The following HLA-DQA1 variants were observed in gnomAD, a reference collection of about 807,000 sequenced individuals.
HLA-DQA1 encodes HLA class II histocompatibility antigen, DQ alpha 1 chain.
In HLA-DQA1, 10 loss-of-function variants were observed where a neutral mutation model predicts 20.7. That is an observed-to-expected ratio of 0.48 (90% CI 0.30 to 0.82). HLA-DQA1 has a LOEUF of 0.82. Among genes scored for constraint, HLA-DQA1 ranks in the 40% least tolerant of loss-of-function variants. The probability of loss-of-function intolerance (pLI) is 0.07; values close to 1 mark genes in which losing one functional copy is unlikely to be tolerated. For synonymous variants in HLA-DQA1, 39 were observed against 109.2 expected (o/e 0.36, Z 4.01); for missense variants, 127 against 293.0 (o/e 0.43, Z 4.14).
chr6:32,653,705 C>T, the HLA-DQA1 span, among the ~76,000 whole-genome samples: 2 of 115,708 alleles, frequency 1.7e-5, 1 homozygote, highest in African/African-American at 6.2e-5. Flanking sequence ...CCATGTTCAT[C>T]GCAGCACTAC....
chr6:32,641,155 G>T (rs9272680), intron 1 of HLA-DQA1, among the ~76,000 whole-genome samples, 155 bp from the exon 2 acceptor site: 1,166 of 106,256 alleles, frequency 0.011, 60 homozygotes, highest in East Asian at 0.079. Flanking sequence ...CTACCAACAT[G>T]AAGAGGGGAG....
chr6:32,639,088 G>T lies in HLA-DQA1; in HGVS notation c.82+1548G>T, dbSNP rs9272543. The T allele has an allele frequency of 3.2e-3, 766 of 237,712 alleles. 21 individuals are homozygous for T. Among genetic ancestry groups the T allele is most frequent in the Middle Eastern group, 8.8e-3 (7 of 794 alleles). The allele number at this position is 237,712 out of a possible 1,614,324, so 14.7% of individuals were successfully genotyped here. A position where few individuals can be genotyped will look rare whatever the true frequency, so the allele number is the denominator to read the frequency against. On this transcript the variant is annotated intron_variant, in intron 1 of 4. Transcript: ENST00000343139. ...TTGTTCGGCAGTGGAAGTTTCACCT[G>T]CTTCTCCAGAGCGCTTGGCGTCTTT...
chr6:32,655,082 T>C, the HLA-DQA1 span, among the ~76,000 whole-genome samples: 1 of 97,634 alleles, frequency 1.0e-5, no homozygotes, highest in African/African-American at 3.5e-5. Context: ...TAAATATTCA[T>C]ACCACAAAAA....
chr6:32,647,918 C>T (rs1163337861), downstream of HLA-DQA1, among the ~76,000 whole-genome samples: 1 of 152,022 alleles, frequency 6.6e-6, no homozygotes, highest in Non-Finnish European at 1.5e-5. Context: ...TCATTGTCTT[C>T]ATAGAAATTA....
chr6:32,653,849 A>ACATGGAT, the HLA-DQA1 span, among the ~76,000 whole-genome samples: 948 of 66,786 alleles, frequency 0.014, 17 homozygotes, highest in Admixed American at 0.021. Flanking sequence ...ATTATGTTAA[A>ACATGGAT]GAACCTGGGG....
chr6:32,648,522 G>A, downstream of HLA-DQA1, among the ~76,000 whole-genome samples: 1 of 96,974 alleles, frequency 1.0e-5, no homozygotes, highest in Admixed American at 1.3e-4. Context: ...CAGAACCAAT[G>A]ACAAAAACCA....
chr6:32,655,101 T>TGATG, the HLA-DQA1 span, among the ~76,000 whole-genome samples: 1 of 147,510 alleles, frequency 6.8e-6, no homozygotes, highest in South Asian at 2.2e-4. Context: ...AAAAGTGAAG[T>TGATG]GATGGATATG....
the HLA-DQA1 span, among the ~76,000 whole-genome samples, chr6:32,652,962 CCA>C: frequency 0.16 from 24,146 of 146,582 alleles, 2,325 homozygotes; most frequent in East Asian, 0.3. Flanking sequence ...CAGAGTTGGC[CCA>C]AATTAGGGAA....
rs796850832 is a variant in HLA-DQA1 at position 32,637,745 on chromosome 6, G to A, written c.82+205G>A. Among the ~76,000 whole-genome samples the A allele has an allele frequency of 3.6e-4, 38 of 107,004 alleles. 7 individuals carry two copies. In the South Asian group the frequency reaches 9.5e-3, roughly 27 times the overall value. 70.2% of individuals were successfully genotyped at this position (107,004 alleles called of 152,430 possible). A position where few individuals can be genotyped will look rare whatever the true frequency, so the allele number is the denominator to read the frequency against. On this transcript the variant is annotated intron_variant, in intron 1 of 4. Transcript: ENST00000343139. Reference sequence around the variant, plus strand: ...TTATCTATGCTGTTGTGTTCACTAAGGACGCTATTCTGTTTATATTATATT... The same window carrying A: ...TTATCTATGCTGTTGTGTTCACTAAAGACGCTATTCTGTTTATATTATATT...
downstream of HLA-DQA1, among the ~76,000 whole-genome samples, chr6:32,651,864 A>C (rs1782200440): frequency 1.0e-5 from 1 of 96,554 alleles, no homozygotes; most frequent in Non-Finnish European, 2.3e-5. Context: ...GGTTAAAGAA[A>C]CATCATAAAA....
chr6:32,642,502 G>T, intron 3 of HLA-DQA1, 108 bp from the exon 4 acceptor site: 1 of 863,614 alleles, frequency 1.2e-6, no homozygotes, highest in Non-Finnish European at 1.8e-6. Flanking sequence ...TTCTCCCTAA[G>T]CCTGGGGCCT....
At chr6:32,655,227 T>C in the HLA-DQA1 span, among the ~76,000 whole-genome samples, 71,645 of 130,420 alleles carry the variant, frequency 0.55, 21,232 homozygotes, top group Middle Eastern at 0.69. Context: ...GTGTAACATT[T>C]TTAACTTTTT....
chr6:32,642,496 C>T, intron 3 of HLA-DQA1, 114 bp from the exon 4 acceptor site: 1 of 862,352 alleles, frequency 1.2e-6, no homozygotes, highest in South Asian at 1.4e-5. Flanking sequence ...TCACTCTTCT[C>T]CCTAAGCCTG....
At chr6:32,651,367 T>A, downstream of HLA-DQA1, among the ~76,000 whole-genome samples, 6 of 80,822 alleles carry the variant, frequency 7.4e-5, 1 homozygote. Flanking sequence ...GGCAGATCAT[T>A]AGGTCAGGAG....
the HLA-DQA1 span, among the ~76,000 whole-genome samples, chr6:32,654,026 G>A: frequency 0.039 from 4,269 of 109,210 alleles, 1,076 homozygotes; most frequent in East Asian, 0.13. Context: ...GTACAAAGAA[G>A]GGCAGGTTGT....
chr6:32,647,610 T>C (rs1192916086), downstream of HLA-DQA1, among the ~76,000 whole-genome samples: 2 of 152,186 alleles, frequency 1.3e-5, no homozygotes, highest in Admixed American at 1.3e-4. Flanking sequence ...GAAGTTATGT[T>C]AGTTTTTAGG....
intron 1 of HLA-DQA1, 102 bp from the exon 2 acceptor site, chr6:32,641,208 A>ACAG: frequency 1.3e-6 from 1 of 760,364 alleles, no homozygotes; most frequent in Non-Finnish European, 2.0e-6. Flanking sequence ...CCAAAAAATG[A>ACAG]AGCCCATAAT....
downstream of HLA-DQA1, among the ~76,000 whole-genome samples, chr6:32,648,037 ACG>A (rs1471580359): frequency 0.56 from 83,419 of 147,826 alleles, 23,923 homozygotes; most frequent in Middle Eastern, 0.7. Flanking sequence ...AGAAAGTGTC[ACG>A]CAGGAACCAG....
At chr6:32,652,079 T>A in the HLA-DQA1 span, among the ~76,000 whole-genome samples, 18 of 93,382 alleles carry the variant, frequency 1.9e-4, 6 homozygotes, top group South Asian at 6.0e-3. Flanking sequence ...GATCATGAGC[T>A]CAGGAGATCG....
Sources: gnomAD v4.1 joint callset for allele counts (sites outside exome capture counted in the v4.1 genomes callset) on GRCh38, gnomAD v4.1.1 for gene constraint, MANE v1.5 for transcripts, NCBI Gene and HGNC (gene_info 2026-07-23, HGNC 2026-07-21) for gene names.